PSAT1: variants seen among roughly 807,000 people sequenced by gnomAD.
PSAT1 encodes the protein phosphoserine aminotransferase.
Under a neutral mutation model 40.3 loss-of-function variants are expected in PSAT1, and 41 were observed. That is an observed-to-expected ratio of 1.02 (90% CI 0.79 to 1.32). The LOEUF (loss-of-function observed/expected upper bound fraction) is 1.32. Among genes scored for constraint, PSAT1 ranks in the 40% most tolerant of loss-of-function variants. The probability of loss-of-function intolerance (pLI) is 0.00; values close to 1 mark genes in which losing one functional copy is unlikely to be tolerated. For synonymous variants in PSAT1, 147 were observed against 170.5 expected, an observed-to-expected ratio of 0.86 and a Z score of 1.07; for missense variants, 406 against 455.8, an observed-to-expected ratio of 0.89 and a Z score of 0.99.
intron 1 of PSAT1, chr9:78,298,333 T>G (rs1336350325): frequency 1.0e-6 from 1 of 985,056 alleles, no homozygotes. Flanking sequence ...AGCCAAGTAT[T>G]TTACAATTAT....
chr9:78,305,759 G>C (rs550870890), intron 4 of PSAT1, among the ~76,000 whole-genome samples: 1 of 152,198 alleles, frequency 6.6e-6, no homozygotes, highest in South Asian at 2.1e-4. Flanking sequence ...CTGGAACTAC[G>C]TGGGCTGAGA....
At position 78,297,182 on chromosome 9, in the gene PSAT1, G is replaced by C; in HGVS notation, c.-29G>C. ...GCCGTTCACGCGTTCGGTCCTCCTT[G>C]GCTGACTCACCGCCCTGGCCGCCGC... On this transcript the variant is annotated 5_prime_UTR_variant, in exon 1 of 9. Coordinates refer to ENST00000376588, the MANE Select transcript of PSAT1 (RefSeq NM_058179.4). The C allele has an allele frequency of 6.3e-7, 1 of 1,589,564 alleles. No individual in the cohort carries two copies. Among genetic ancestry groups the C allele is most frequent in the Non-Finnish European group, 8.5e-7 (1 of 1,172,310 alleles).
At chr9:78,317,112 G>T (rs986460119) in intron 6 of PSAT1, among the ~76,000 whole-genome samples, 1 of 152,094 alleles carries the variant, frequency 6.6e-6, no homozygotes, top group African/African-American at 2.4e-5. Context: ...GGACAAGGAG[G>T]GACTGATATG....
chr9:78,318,493 T>C (rs1355903188), intron 7 of PSAT1, among the ~76,000 whole-genome samples: 1 of 152,204 alleles, frequency 6.6e-6, no homozygotes, highest in Non-Finnish European at 1.5e-5. Flanking sequence ...CTCACTCTTC[T>C]GGGGCCAGAA....
At chr9:78,317,121 T>A (rs1029377851) in intron 6 of PSAT1, among the ~76,000 whole-genome samples, 10 of 152,226 alleles carry the variant, frequency 6.6e-5, no homozygotes, top group Non-Finnish European at 1.2e-4. Context: ...GGGACTGATA[T>A]GATGTTTAGT....
rs2118609593 is a variant in PSAT1, at chr9:78,297,127, A to G, written c.-84A>G. The G allele has an allele frequency of 2.1e-6, 3 of 1,410,062 alleles. No individual in the cohort carries two copies. Among genetic ancestry groups the G allele is most frequent in the Non-Finnish European group, 9.7e-7 (1 of 1,027,196 alleles). The allele number at this position is 1,410,062 out of a possible 1,614,324, so 87.3% of individuals were successfully genotyped here. A position where few individuals can be genotyped will look rare whatever the true frequency, so the allele number is the denominator to read the frequency against. On this transcript the variant is annotated 5_prime_UTR_variant, in exon 1 of 9. Coordinates refer to ENST00000376588, the MANE Select transcript of PSAT1 (RefSeq NM_058179.4). ...AAGGCGGGGGTTCGGGGCCGGCTGC[A>G]GACTCTCACCGCAGCGGCCAGGAAC...
chr9:78,308,446 T>C lies in PSAT1; in HGVS notation c.603T>C (p.Asn201=), dbSNP rs1828216659. ...TGATTTTTGCTGGTGCCCAGAAGAA[T>C]GTTGGCTCTGCTGGGGTCACCGTGG... ...FGVIFAGAQK[N]VGSAGVTVVI... Residue 201 remains asparagine (N), a synonymous_variant, in exon 6 of 9, where the codon AAT becomes AAC. Transcript: ENST00000376588. 1.9e-6 allele frequency: 3 copies of C among 1,613,860 alleles called. No homozygotes were observed. The highest frequency in any genetic ancestry group is 2.5e-6 in the Non-Finnish European group (3 of 1,179,802).
At chr9:78,313,208 A>T (rs1828292467) in intron 6 of PSAT1, among the ~76,000 whole-genome samples, 1 of 152,142 alleles carries the variant, frequency 6.6e-6, no homozygotes, top group Non-Finnish European at 1.5e-5. Flanking sequence ...TCTACTAAAA[A>T]TACAAAAATT....
At chr9:78,322,735 G>A (rs1415542328) in intron 7 of PSAT1, among the ~76,000 whole-genome samples, 2 of 152,112 alleles carry the variant, frequency 1.3e-5, no homozygotes, top group Non-Finnish European at 2.9e-5. Context: ...AACAGTATGA[G>A]GAAACAACTC....
chr9:78,320,296 C>T (rs11137604), intron 7 of PSAT1, among the ~76,000 whole-genome samples: 65,255 of 149,346 alleles, frequency 0.44, 16,735 homozygotes, highest in Non-Finnish European at 0.58. Context: ...CATCCACTCA[C>T]CTACCCATCC....
chr9:78,306,518 C>T, intron 5 of PSAT1, 32 bp downstream of exon 5: 1 of 1,613,544 alleles, frequency 6.2e-7, no homozygotes. Flanking sequence ...GAGGGGAACC[C>T]ACTGACTCGG....
intron 3 of PSAT1, 93 bp downstream of exon 3, chr9:78,302,116 C>A: frequency 2.3e-6 from 2 of 887,796 alleles, no homozygotes; most frequent in South Asian, 1.4e-5. Flanking sequence ...ATTGTTTGTT[C>A]AGAATATTTC....
intron 7 of PSAT1, among the ~76,000 whole-genome samples, chr9:78,326,836 A>G (rs1349127930): frequency 6.7e-6 from 1 of 150,362 alleles, no homozygotes; most frequent in Non-Finnish European, 1.5e-5. Context: ...TTGGAGCCAG[A>G]TGGTCTACAG....
chr9:78,320,864 A>G (rs997340949), intron 7 of PSAT1, among the ~76,000 whole-genome samples: 2 of 152,160 alleles, frequency 1.3e-5, no homozygotes, highest in African/African-American at 4.8e-5. Flanking sequence ...CAATTTTTCT[A>G]TTAGCTTTTA....
chr9:78,306,703 A>G (rs1828189846), intron 5 of PSAT1, among the ~76,000 whole-genome samples: 2 of 152,202 alleles, frequency 1.3e-5, no homozygotes, highest in Admixed American at 6.5e-5. Flanking sequence ...TTTGCCTCAC[A>G]GGGTCCCACT....
chr9:78,319,131 CCTCT>C (rs1828391637), intron 7 of PSAT1, among the ~76,000 whole-genome samples: 1 of 151,608 alleles, frequency 6.6e-6, no homozygotes, highest in Non-Finnish European at 1.5e-5. Context: ...GGAAATTTGC[CCTCT>C]CTCAGATAAT....
At chr9:78,302,137 A>C in intron 3 of PSAT1, 114 bp downstream of exon 3, 2 of 822,094 alleles carry the variant, frequency 2.4e-6, no homozygotes. Context: ...ATAATTTAAA[A>C]TAATCCTTGT....
chr9:78,310,652 C>T (rs1587639460), intron 6 of PSAT1, among the ~76,000 whole-genome samples: 2 of 150,048 alleles, frequency 1.3e-5, no homozygotes, highest in Non-Finnish European at 2.9e-5. Flanking sequence ...GCTCTGTTGC[C>T]CAGGCTGGAG....
chr9:78,311,023 TG>T (rs1387500190), intron 6 of PSAT1, among the ~76,000 whole-genome samples: 1 of 152,184 alleles, frequency 6.6e-6, no homozygotes. Context: ...TGTTCTGGGA[TG>T]CACTCTCCTG....
Sources: gnomAD v4.1 joint callset for allele counts (sites outside exome capture counted in the v4.1 genomes callset) on GRCh38, gnomAD v4.1.1 for gene constraint, MANE v1.5 for transcripts, NCBI Gene and HGNC (gene_info 2026-07-23, HGNC 2026-07-21) for gene names.